PKP4: variants seen among roughly 807,000 people sequenced by gnomAD.
PKP4 encodes the protein plakophilin 4.
PKP4 carries 90 observed loss-of-function variants against 145.1 expected under a neutral mutation model. The ratio of observed to expected loss-of-function variants is 0.62; its 90% CI spans 0.52 to 0.74. The LOEUF is 0.74. Ranked by LOEUF, PKP4 falls within the 30% of genes least tolerant of loss-of-function variation. The pLI is 0.00. For synonymous variants in PKP4, 563 were observed against 577.2 expected, an observed-to-expected ratio of 0.98 and a Z score of 0.35; for missense variants, 1,340 against 1,482.7, an observed-to-expected ratio of 0.90 and a Z score of 1.58.
At chr2:158,629,036 C>T (rs1308141533) in intron 7 of PKP4, among the ~76,000 whole-genome samples, 1 of 152,138 alleles carries the variant, frequency 6.6e-6, no homozygotes, top group Admixed American at 6.5e-5. Flanking sequence ...AAACTGTGCA[C>T]TTTTGTCTAA....
intron 4 of PKP4, among the ~76,000 whole-genome samples, chr2:158,608,506 C>T (rs2050835446): frequency 6.6e-6 from 1 of 152,112 alleles, no homozygotes; most frequent in Non-Finnish European, 1.5e-5. Flanking sequence ...CTGCATAGTT[C>T]CTTATTTTTC....
chr2:158,577,748 C>G (rs1372188746), intron 3 of PKP4, among the ~76,000 whole-genome samples: 2 of 152,080 alleles, frequency 1.3e-5, no homozygotes, highest in Non-Finnish European at 2.9e-5. Context: ...AGAAATATTT[C>G]TAAATAAGAT....
chr2:158,554,434 T>TA (rs1310560200), intron 2 of PKP4, among the ~76,000 whole-genome samples: 1 of 150,764 alleles, frequency 6.6e-6, no homozygotes, highest in Non-Finnish European at 1.5e-5. Flanking sequence ...TTATTATTTT[T>TA]TTTTTTTTTG....
Position 158,663,362 on chromosome 2 carries a change from A to T in PKP4, c.2494A>T (p.Thr832Ser). The T allele has an allele frequency of 6.2e-7, 1 of 1,613,896 alleles. No homozygotes were observed. Among genetic ancestry groups the T allele is most frequent in the South Asian group, 1.1e-5 (1 of 91,064 alleles). Residue 832 changes from threonine (T) to serine (S), a missense_variant, in exon 15 of 22, where the codon ACT becomes TCT. Transcript: ENST00000389759. ...WHPSVVKPYL[T>S]LLAESSNPAT... ...CCCATCGGTGGTAAAACCATATCTG[A>T]CTCTTCTAGCAGAAAGTTCCAACCC...
At chr2:158,553,049 A>G (rs2045768920) in intron 2 of PKP4, among the ~76,000 whole-genome samples, 1 of 152,204 alleles carries the variant, frequency 6.6e-6, no homozygotes, top group Non-Finnish European at 1.5e-5. Flanking sequence ...TCCTGTAGAA[A>G]GCATGTAAAT....
intron 2 of PKP4, among the ~76,000 whole-genome samples, chr2:158,534,742 G>A (rs2043888280): frequency 6.6e-6 from 1 of 152,146 alleles, no homozygotes; most frequent in South Asian, 2.1e-4. Context: ...TACCCTACAT[G>A]TAAGAAAATA....
At chr2:158,468,770 C>CTTTTTTTTTTTTTTT (rs58577988) in intron 1 of PKP4, among the ~76,000 whole-genome samples, 3 of 109,970 alleles carry the variant, frequency 2.7e-5, no homozygotes, top group East Asian at 2.7e-4. Context: ...TCTTCTTCTT[C>CTTTTTTTTTTTTTTT]TTTTTTTTTT....
rs561760164 is a variant in PKP4, at chr2:158,472,254, G to A, written c.-6+15036G>A. 1.8e-4 allele frequency among the ~76,000 whole-genome samples: 28 copies of A among 152,134 alleles called. No individual in the cohort carries two copies. The South Asian group carries it at 5.8e-3, about 32-fold the overall frequency. On this transcript the variant is annotated intron_variant, in intron 1 of 21. Transcript: ENST00000389759. ...TGTATGTATACTTCAACATCGTGCT[G>A]TACACAATAAATACATACAATTTTA...
At chr2:158,614,270 G>A (rs1027000691) in intron 4 of PKP4, among the ~76,000 whole-genome samples, 2 of 152,144 alleles carry the variant, frequency 1.3e-5, no homozygotes, top group African/African-American at 4.8e-5. Context: ...TTTTATATAT[G>A]TTTAAAACTT....
At chr2:158,598,625 C>T (rs185412785) in intron 3 of PKP4, among the ~76,000 whole-genome samples, 2 of 152,130 alleles carry the variant, frequency 1.3e-5, no homozygotes, top group East Asian at 1.9e-4. Flanking sequence ...AAAAATTAGC[C>T]GGGCATGGTA....
chr2:158,583,399 C>A (rs4664980), intron 3 of PKP4, among the ~76,000 whole-genome samples: 4 of 151,908 alleles, frequency 2.6e-5, no homozygotes, highest in African/African-American at 9.7e-5. Flanking sequence ...ATTCTTACTC[C>A]GTATTTTATT....
chr2:158,472,636 A>G (rs35795153), intron 1 of PKP4, among the ~76,000 whole-genome samples: 1 of 150,574 alleles, frequency 6.6e-6, no homozygotes, highest in Non-Finnish European at 1.5e-5. Context: ...AAAAAAAAGA[A>G]TTAAAAACTA....
At chr2:158,465,071 T>G (rs1168226913) in intron 1 of PKP4, among the ~76,000 whole-genome samples, 1 of 152,238 alleles carries the variant, frequency 6.6e-6, no homozygotes, top group African/African-American at 2.4e-5. Flanking sequence ...CTGTGTTAGA[T>G]TCAGTAATGG....
chr2:158,601,780 A>G (rs556270917), intron 3 of PKP4, among the ~76,000 whole-genome samples: 1 of 152,344 alleles, frequency 6.6e-6, no homozygotes, highest in African/African-American at 2.4e-5. Context: ...ATTGAAGTTC[A>G]GGGAGTTTCT....
At chr2:158,543,030 A>G (rs1025681688) in intron 2 of PKP4, among the ~76,000 whole-genome samples, 4 of 152,172 alleles carry the variant, frequency 2.6e-5, no homozygotes, top group African/African-American at 4.8e-5. Context: ...TAATGTAGTA[A>G]AAAATCTTTC....
chr2:158,521,012 C>G (rs530568618), intron 1 of PKP4, among the ~76,000 whole-genome samples: 1 of 152,300 alleles, frequency 6.6e-6, no homozygotes, highest in African/African-American at 2.4e-5. Context: ...TTGTTAGCAA[C>G]CTATCGCCTT....
chr2:158,530,979 C>G (rs752298040), intron 1 of PKP4, among the ~76,000 whole-genome samples: 1 of 152,122 alleles, frequency 6.6e-6, no homozygotes, highest in Admixed American at 6.5e-5. Context: ...TACATCTTGC[C>G]GTACTCTGCC....
At chr2:158,566,833 C>G (rs943856639) in intron 2 of PKP4, among the ~76,000 whole-genome samples, 1 of 152,178 alleles carries the variant, frequency 6.6e-6, no homozygotes, top group Non-Finnish European at 1.5e-5. Flanking sequence ...TCTGCAAACA[C>G]ACACACACAC....
intron 11 of PKP4, among the ~76,000 whole-genome samples, chr2:158,652,215 T>G (rs2055430814): frequency 6.6e-6 from 1 of 152,212 alleles, no homozygotes; most frequent in Non-Finnish European, 1.5e-5. Context: ...CATAATCTGT[T>G]TTTTACTCAA....
Sources: gnomAD v4.1 joint callset for allele counts (sites outside exome capture counted in the v4.1 genomes callset) on GRCh38, gnomAD v4.1.1 for gene constraint, MANE v1.5 for transcripts, NCBI Gene and HGNC (gene_info 2026-07-23, HGNC 2026-07-21) for gene names.